INTS13: variants seen among roughly 807,000 people sequenced by gnomAD.
INTS13 encodes the protein asunder, spermatogenesis regulator homolog (Drosphila).
Under a neutral mutation model 90.2 loss-of-function variants are expected in INTS13, and 35 were observed. The ratio of observed to expected loss-of-function variants is 0.39; its 90% CI spans 0.30 to 0.51. The LOEUF (loss-of-function observed/expected upper bound fraction) is 0.51. INTS13 is among the 20% of genes least tolerant of loss of function. INTS13 has a pLI of 0.80. For synonymous variants in INTS13, 309 were observed against 277.1 expected (o/e 1.11, Z -1.14); for missense variants, 601 against 851.2 (o/e 0.71, Z 3.66).
rs939858473 is a variant in INTS13 at position 26,930,559 on chromosome 12, A to T, written c.301-1654T>A. Among the ~76,000 whole-genome samples the T allele has an allele frequency of 7.9e-5, 12 of 152,244 alleles. No individual in the cohort carries two copies. In the South Asian group the frequency reaches 2.3e-3, roughly 29 times the overall value. ...ATACAAAATGTACATTCTTTTATAC[A>T]TTCTTGAACACCAGTGATTTGCTAT... is the stretch of plus-strand genomic sequence containing the variant. On this transcript the variant is annotated intron_variant, in intron 3 of 16. Coordinates refer to ENST00000261191, the MANE Select transcript of INTS13 (RefSeq NM_018164.3).
chr12:26,916,280 T>A, intron 10 of INTS13, 100 bp from the exon 11 acceptor site: 1 of 1,093,244 alleles, frequency 9.1e-7, no homozygotes. Context: ...TATTTATTGA[T>A]CCCCGTATTT....
rs536223373 is a variant in INTS13, at chr12:26,932,474, C to T, written c.300+2082G>A. Among the ~76,000 whole-genome samples, 15 of 152,278 alleles carry T rather than the reference C, an allele frequency of 9.9e-5. 1 individual carries two copies. In the South Asian group the frequency reaches 3.1e-3, roughly 32 times the overall value. ...GTAAGTGACTACATCTCCCCTACCCCACAAGATACAGAATCACATTCTTTG... is the reference window on the plus strand; with the variant it reads ...GTAAGTGACTACATCTCCCCTACCCTACAAGATACAGAATCACATTCTTTG... On this transcript the variant is annotated intron_variant, in intron 3 of 16. Transcript: ENST00000261191.
At chr12:26,914,356 T>C in intron 12 of INTS13, 52 bp downstream of exon 12, 1 of 1,488,602 alleles carries the variant, frequency 6.7e-7, no homozygotes, top group Non-Finnish European at 9.1e-7. Context: ...TTGATTTCTA[T>C]AAAGAATATA....
chr12:26,914,605 T>C (rs1196983554), intron 11 of INTS13, 27 bp from the exon 12 acceptor site: 1 of 1,553,382 alleles, frequency 6.4e-7, no homozygotes, highest in African/African-American at 1.4e-5. Context: ...AAGATAAAAT[T>C]AGAAACTATG....
chr12:26,905,576 T>C (rs1951585183), intron 16 of INTS13, 40 bp from the exon 17 acceptor site: 6 of 1,566,088 alleles, frequency 3.8e-6, no homozygotes, highest in Non-Finnish European at 5.3e-6. Context: ...AAAATAAATA[T>C]TCATTAACAT....
At position 26,922,717 on chromosome 12, in the gene INTS13, A is replaced by G. The variant is rs773738992; in HGVS notation, c.805-17T>C. The G allele has an allele frequency of 2.7e-6, 4 of 1,504,304 alleles. No individual in the cohort carries two copies. The African/African-American group carries it at 4.2e-5, about 16-fold the overall frequency. 93.2% of individuals were successfully genotyped at this position (1,504,304 alleles called of 1,614,324 possible). A position where few individuals can be genotyped will look rare whatever the true frequency, so the allele number is the denominator to read the frequency against. ...CTGTTCTTCCTTGAAGTAAAATTTC[A>G]AACATTTTAAAAAACTTGGTTTTGC... is the stretch of plus-strand genomic sequence containing the variant. On this transcript the variant is annotated splice_polypyrimidine_tract_variant and intron_variant, in intron 7 of 16. Transcript: ENST00000261191.
At chr12:26,926,077 G>GT (rs1401663403) in intron 5 of INTS13, among the ~76,000 whole-genome samples, 1 of 151,354 alleles carries the variant, frequency 6.6e-6, no homozygotes, top group African/African-American at 2.5e-5. Context: ...AATAATAATT[G>GT]TGAGTGTCTG....
At chr12:26,931,253 G>A (rs1299780035) in intron 3 of INTS13, among the ~76,000 whole-genome samples, 2 of 151,808 alleles carry the variant, frequency 1.3e-5, no homozygotes, top group Non-Finnish European at 2.9e-5. Context: ...GACCATCCTG[G>A]CTAACACAGT....
At chr12:26,933,103 A>ATAAG (rs1171144992) in intron 3 of INTS13, among the ~76,000 whole-genome samples, 1 of 151,608 alleles carries the variant, frequency 6.6e-6, no homozygotes, top group Non-Finnish European at 1.5e-5. Flanking sequence ...AGTTAAGAGT[A>ATAAG]TAAGTCAAAG....
At chr12:26,911,930 T>C (rs1001242059) in intron 14 of INTS13, among the ~76,000 whole-genome samples, 3 of 152,144 alleles carry the variant, frequency 2.0e-5, no homozygotes, top group Non-Finnish European at 4.4e-5. Flanking sequence ...GCTTCTAAAG[T>C]CAAAGAGAAT....
In INTS13 at chr12:26,915,854, T is replaced by G. The variant is rs1408261335; in HGVS notation, c.1248+148A>C. On this transcript the variant is annotated intron_variant, in intron 11 of 16. Coordinates refer to ENST00000261191, the MANE Select transcript of INTS13 (RefSeq NM_018164.3). ...GATAAATAGAATTTTTGAGCAAATATTGCAGGAAATTCACCTAATTAAAAT... is the reference window on the plus strand; with the variant it reads ...GATAAATAGAATTTTTGAGCAAATAGTGCAGGAAATTCACCTAATTAAAAT... The G allele has an allele frequency of 1.6e-5, 9 of 560,538 alleles. No individual in the cohort carries two copies. The Admixed American group carries it at 2.7e-4, about 17-fold the overall frequency. 34.7% of individuals were successfully genotyped at this position (560,538 alleles called of 1,614,324 possible).
At chr12:26,936,555 A>C (rs1252625178) in intron 2 of INTS13, 24 bp downstream of exon 2, 10 of 1,528,076 alleles carry the variant, frequency 6.5e-6, no homozygotes, top group Non-Finnish European at 9.1e-6. Context: ...CAAAATCATG[A>C]TTTTGTTTGT....
At position 26,924,337 on chromosome 12, in the gene INTS13, G is replaced by A. The variant is rs778550566; in HGVS notation, c.804+18C>T. Reference sequence around the variant, plus strand: ...GCAAAGCAGTGCTTTCAAAATAGCAGGAAAAAGAACTGCCTACCTTCATTG... The same window carrying A: ...GCAAAGCAGTGCTTTCAAAATAGCAAGAAAAAGAACTGCCTACCTTCATTG... On this transcript the variant is annotated intron_variant, in intron 7 of 16. Transcript: ENST00000261191. The A allele has an allele frequency of 3.1e-6, 5 of 1,607,464 alleles. No individual in the cohort carries two copies. In the East Asian group the frequency reaches 1.1e-4, roughly 36 times the overall value.
intron 3 of INTS13, among the ~76,000 whole-genome samples, chr12:26,931,168 C>A (rs1182939815): frequency 1.3e-5 from 2 of 151,406 alleles, no homozygotes; most frequent in Non-Finnish European, 2.9e-5. Context: ...AGAAGCCGGG[C>A]ACGGTGGCTC....
At chr12:26,917,537 T>C (rs1951972698) in intron 9 of INTS13, 96 bp from the exon 10 acceptor site, 1 of 1,240,844 alleles carries the variant, frequency 8.1e-7, no homozygotes, top group Non-Finnish European at 1.2e-6. Flanking sequence ...GTTCATTGAG[T>C]CCTGAAACAA....
intron 3 of INTS13, among the ~76,000 whole-genome samples, chr12:26,929,787 G>A (rs962366641): frequency 8.0e-5 from 12 of 150,820 alleles, no homozygotes; most frequent in Non-Finnish European, 3.0e-5. Flanking sequence ...AGGGAAGAAA[G>A]AAAGGAAGAA....
rs181831358 is a variant in INTS13, at chr12:26,916,466, T to C, written c.1070-286A>G. Among the ~76,000 whole-genome samples, 9 of 152,284 alleles carry C rather than the reference T, an allele frequency of 5.9e-5. No individual in the cohort carries two copies. In the East Asian group the frequency reaches 1.7e-3, roughly 29 times the overall value. ...TATGGTTCATCCAATTACATGTACA[T>C]ATTGAATTTTTCTCCTGGACCTCAA... On this transcript the variant is annotated intron_variant, in intron 10 of 16. Coordinates refer to ENST00000261191, the MANE Select transcript of INTS13 (RefSeq NM_018164.3).
rs1951572711 is a variant in INTS13 at position 26,905,351 on chromosome 12, G to A, written c.*146C>T. 1 of 673,064 alleles carries A rather than the reference G, an allele frequency of 1.5e-6. No individual in the cohort carries two copies. Among genetic ancestry groups the A allele is most frequent in the East Asian group, 3.1e-5 (1 of 32,566 alleles). The allele number at this position is 673,064 out of a possible 1,614,324, so 41.7% of individuals were successfully genotyped here. On this transcript the variant is annotated 3_prime_UTR_variant, in exon 17 of 17. Transcript: ENST00000261191. ...GAATTATGTGCCAATTTTATAATTAGTACAAAAATGACAGCTGAAATATTT... is the reference window on the plus strand; with the variant it reads ...GAATTATGTGCCAATTTTATAATTAATACAAAAATGACAGCTGAAATATTT...
chr12:26,905,575 A>G (rs1951585063), intron 16 of INTS13, 39 bp from the exon 17 acceptor site: 1 of 1,565,936 alleles, frequency 6.4e-7, no homozygotes, highest in African/African-American at 1.4e-5. Flanking sequence ...TAAAATAAAT[A>G]TTCATTAACA....
Sources: allele counts gnomAD v4.1 joint callset (sites outside exome capture counted in the v4.1 genomes callset), GRCh38; gene constraint gnomAD v4.1.1; transcripts MANE v1.5; gene names NCBI Gene and HGNC (gene_info 2026-07-23, HGNC 2026-07-21).